Variants in ZC3H14 observed in about 807,000 individuals in gnomAD.
ZC3H14 encodes zinc finger CCCH domain-containing protein 14.
Under a neutral mutation model 92.4 loss-of-function variants are expected in ZC3H14, and 31 were observed. The observed-to-expected ratio is 0.34, with a 90% confidence interval of 0.25 to 0.45. ZC3H14 has a LOEUF of 0.45. Ranked by LOEUF, ZC3H14 falls within the 20% of genes least tolerant of loss-of-function variation. The pLI, the probability that ZC3H14 is intolerant of heterozygous loss-of-function variation, is 1.00. For missense variants in ZC3H14, 781 were observed against 897.3 expected, an observed-to-expected ratio of 0.87 and a Z score of 1.66; for synonymous variants, 321 against 300.9, an observed-to-expected ratio of 1.07 and a Z score of -0.69.
chr14:88,617,078 T>C lies in ZC3H14; in HGVS notation c.*5327T>C. On this transcript the variant is annotated 3_prime_UTR_variant, in exon 17 of 17. Transcript: ENST00000251038. Reference sequence around the variant, plus strand: ...GCCTTTTAAAAATGACATTTTATAATTTGAAGGGTTTCTAGATTAATCTTT... The same window carrying C: ...GCCTTTTAAAAATGACATTTTATAACTTGAAGGGTTTCTAGATTAATCTTT... 2.2e-6 allele frequency: 1 copy of C among 460,072 alleles called. No homozygotes were observed. The highest frequency in any genetic ancestry group is 3.9e-6 in the Non-Finnish European group (1 of 259,214). 28.5% of individuals were successfully genotyped at this position (460,072 alleles called of 1,614,324 possible).
intron 12 of ZC3H14, among the ~76,000 whole-genome samples, chr14:88,606,508 G>T (rs889437273): frequency 2.0e-5 from 3 of 152,136 alleles, no homozygotes; most frequent in Non-Finnish European, 4.4e-5. Flanking sequence ...GGTGGCTCAT[G>T]CCTATAATCC....
Position 88,572,662 on chromosome 14 carries a change from T to G in ZC3H14, c.516T>G (p.Ile172Met). Reference sequence around the variant, plus strand: ...AGCCAGCACCCTCTGAAGATGTGATTGATATTAAGCCAGAACCAGATGATC... The same window carrying G: ...AGCCAGCACCCTCTGAAGATGTGATGGATATTAAGCCAGAACCAGATGATC... ...LREPAPSEDV[I>M]DIKPEPDDLI... is the part of the protein sequence containing the mutation. Residue 172 changes from isoleucine to methionine, a missense_variant, in exon 6 of 17, where the codon ATT becomes ATG. Coordinates refer to ENST00000251038, the MANE Select transcript of ZC3H14 (RefSeq NM_024824.5). 6.2e-7 allele frequency: 1 copy of G among 1,614,202 alleles called. No homozygotes were observed. Among genetic ancestry groups the G allele is most frequent in the Non-Finnish European group, 8.5e-7 (1 of 1,180,038 alleles).
chr14:88,576,702 C>CT (rs1309714562), intron 8 of ZC3H14, among the ~76,000 whole-genome samples: 1 of 152,208 alleles, frequency 6.6e-6, no homozygotes, highest in Admixed American at 6.5e-5. Context: ...GGTGGGTGTA[C>CT]TTACAGCATT....
chr14:88,594,587 C>T, intron 9 of ZC3H14: 1 of 1,535,498 alleles, frequency 6.5e-7, no homozygotes, highest in South Asian at 1.3e-5. Context: ...ATGTTATTTG[C>T]TCTTAATACG....
At chr14:88,587,381 G>T (rs1334018735) in intron 9 of ZC3H14, among the ~76,000 whole-genome samples, 1 of 152,016 alleles carries the variant, frequency 6.6e-6, no homozygotes, top group African/African-American at 2.4e-5. Context: ...GCCCAGGCTG[G>T]TCTCAAACTC....
intron 12 of ZC3H14, among the ~76,000 whole-genome samples, chr14:88,605,842 G>A (rs1049269022): frequency 6.6e-5 from 10 of 152,126 alleles, no homozygotes; most frequent in Admixed American, 5.2e-4. Flanking sequence ...ACGACTGGTT[G>A]CCTGTTTTGC....
rs747532574 is a variant in ZC3H14 at position 88,615,807 on chromosome 14, C to T, written c.*4056C>T. 1.2e-6 allele frequency: 2 copies of T among 1,609,986 alleles called. No individual in the cohort carries two copies. The highest frequency in any genetic ancestry group is 1.1e-5 in the South Asian group (1 of 89,688). The stretch of plus-strand genomic sequence containing the variant: ...TCTCAAAGTTAATTTCTGTAGTCAT[C>T]TCAGCATCTCTCAGTGAGGTGTATG... On this transcript the variant is annotated 3_prime_UTR_variant, in exon 17 of 17. Coordinates refer to ENST00000251038, the MANE Select transcript of ZC3H14 (RefSeq NM_024824.5).
chr14:88,565,832 A>G (rs1393455005), intron 2 of ZC3H14, among the ~76,000 whole-genome samples: 2 of 151,998 alleles, frequency 1.3e-5, no homozygotes, highest in African/African-American at 2.4e-5. Context: ...CAAGATATAT[A>G]AAAATATGAA....
chr14:88,563,612 C>T (rs1595448234), intron 1 of ZC3H14, 39 bp from the exon 2 acceptor site: 5 of 1,611,072 alleles, frequency 3.1e-6, no homozygotes, highest in South Asian at 2.2e-5. Context: ...TTTCCTAGAG[C>T]CGCCTTTCTC....
chr14:88,585,655 G>T (rs2082384168), intron 9 of ZC3H14, among the ~76,000 whole-genome samples: 1 of 152,078 alleles, frequency 6.6e-6, no homozygotes, highest in Non-Finnish European at 1.5e-5. Flanking sequence ...CTCCCAAAGT[G>T]TTGGGATTAT....
intron 11 of ZC3H14, 81 bp downstream of exon 11, chr14:88,602,164 T>C (rs2084738592): frequency 1.3e-6 from 2 of 1,592,020 alleles, no homozygotes; most frequent in Middle Eastern, 1.7e-4. Context: ...GCTTCCCTCC[T>C]CCCCGCCCTA....
At chr14:88,580,709 C>G (rs2081812326) in intron 9 of ZC3H14, among the ~76,000 whole-genome samples, 1 of 152,092 alleles carries the variant, frequency 6.6e-6, no homozygotes, top group Non-Finnish European at 1.5e-5. Context: ...ATGTTTGAAA[C>G]TGTTGTCTGA....
At chr14:88,610,966 A>C in intron 16 of ZC3H14, 26 bp downstream of exon 16, 1 of 1,557,558 alleles carries the variant, frequency 6.4e-7, no homozygotes, top group Non-Finnish European at 8.8e-7. Flanking sequence ...CGTTTTTCTC[A>C]TGTCAGTTCA....
chr14:88,616,762 C>T lies in ZC3H14; in HGVS notation c.*5011C>T. ...GACATGGGAAGTCAAATAACTTAACCATGCCAAAGTCATCTCCTGTAACAA... is the reference window on the plus strand; with the variant it reads ...GACATGGGAAGTCAAATAACTTAACTATGCCAAAGTCATCTCCTGTAACAA... On this transcript the variant is annotated 3_prime_UTR_variant, in exon 17 of 17. Transcript: ENST00000251038. 6.2e-7 allele frequency: 1 copy of T among 1,613,496 alleles called. No homozygotes were observed. The highest frequency in any genetic ancestry group is 1.3e-5 in the African/African-American group (1 of 74,990).
chr14:88,576,491 G>A (rs145960649), intron 8 of ZC3H14, among the ~76,000 whole-genome samples: 4 of 152,344 alleles, frequency 2.6e-5, no homozygotes, highest in Middle Eastern at 3.4e-3. Flanking sequence ...AAAGTATTAC[G>A]TTTTCAAAAC....
Position 88,626,287 on chromosome 14 carries a change from A to G in ZC3H14, c.*14536A>G, listed in dbSNP as rs2089930490. ...TATTTAGGGTGACAATTAGAAGATT[A>G]AGGAAGGCTTTTGAGTATAACAGTA... is the stretch of plus-strand genomic sequence containing the variant. On this transcript the variant is annotated 3_prime_UTR_variant, in exon 17 of 17. Coordinates refer to ENST00000251038, the MANE Select transcript of ZC3H14 (RefSeq NM_024824.5). 2 of 152,510 alleles carry G rather than the reference A, an allele frequency of 1.3e-5. No individual in the cohort carries two copies. The highest frequency in any genetic ancestry group is 1.3e-4 in the Admixed American group (2 of 15,332). The allele number at this position is 152,510 out of a possible 1,614,324, so 9.4% of individuals were successfully genotyped here.
chr14:88,610,819 G>GT lies in ZC3H14; in HGVS notation c.2098-13dup, dbSNP rs2086556443. ...GCCTTGTGGATATTGTTGAAGCTCT[G>GT]TTATCTCTATTCAGCATTGTAGGTT... On this transcript the variant is annotated splice_polypyrimidine_tract_variant and intron_variant, in intron 15 of 16. Transcript: ENST00000251038. 6.2e-7 allele frequency: 1 copy of GT among 1,607,854 alleles called. No individual in the cohort carries two copies. The highest frequency in any genetic ancestry group is 8.5e-7 in the Non-Finnish European group (1 of 1,174,512).
intron 10 of ZC3H14, 146 bp from the exon 11 acceptor site, chr14:88,601,778 C>A (rs2084681524): frequency 2.2e-6 from 2 of 911,496 alleles, no homozygotes; most frequent in South Asian, 1.7e-5. Flanking sequence ...AGAATTATAG[C>A]CCTGTTTTCC....
rs994053235 is a variant in ZC3H14 at position 88,616,482 on chromosome 14, A to G, written c.*4731A>G. On this transcript the variant is annotated 3_prime_UTR_variant, in exon 17 of 17. Coordinates refer to ENST00000251038, the MANE Select transcript of ZC3H14 (RefSeq NM_024824.5). ...TCTAAGGAAAAGCATTTGAAATTTG[A>G]TAACTGATTATAGGTTTGGTGAAAA... 8 of 603,602 alleles carry G rather than the reference A, an allele frequency of 1.3e-5. No individual in the cohort carries two copies. Among genetic ancestry groups the G allele is most frequent in the African/African-American group, 3.7e-5 (2 of 54,078 alleles). The allele number at this position is 603,602 out of a possible 1,614,324, so 37.4% of individuals were successfully genotyped here.
Sources: gnomAD v4.1 joint callset for allele counts (sites outside exome capture counted in the v4.1 genomes callset) on GRCh38, gnomAD v4.1.1 for gene constraint, MANE v1.5 for transcripts, NCBI Gene and HGNC (gene_info 2026-07-23, HGNC 2026-07-21) for gene names.